PIN1: variants seen among roughly 807,000 people sequenced by gnomAD.
The protein encoded by PIN1 is peptidylprolyl cis/trans isomerase, NIMA-interacting 1.
Under a neutral mutation model 19.9 loss-of-function variants are expected in PIN1, and 8 were observed. That is an observed-to-expected ratio of 0.40 (90% CI 0.24 to 0.72). The LOEUF (loss-of-function observed/expected upper bound fraction) is 0.72. Ranked by LOEUF, PIN1 falls within the 30% of genes least tolerant of loss-of-function variation. The pLI, the probability that PIN1 is intolerant of heterozygous loss-of-function variation, is 0.37. For missense variants in PIN1, 185 were observed against 226.5 expected, an observed-to-expected ratio of 0.82 and a Z score of 1.18; for synonymous variants, 86 against 90.8, an observed-to-expected ratio of 0.95 and a Z score of 0.30.
chr19:9,838,204 G>A lies in PIN1; in HGVS notation c.59-232G>A. ...ATACTATCCTGTGTTTCATTTGCTT[G>A]TTTAGCACCTGTCTGCTCTCACCTA... On this transcript the variant is annotated intron_variant, in intron 1 of 3. Transcript: ENST00000247970. The surrounding 1 kb of genome is among the most constrained non-coding windows in gnomAD (Gnocchi z 5.8). The A allele has an allele frequency of 1.7e-6, 1 of 598,834 alleles. No individual in the cohort carries two copies. The highest frequency in any genetic ancestry group is 3.0e-6 in the Non-Finnish European group (1 of 332,876). 37.1% of individuals were successfully genotyped at this position (598,834 alleles called of 1,614,324 possible).
At chr19:9,844,906 A>G (rs1032101760) in intron 2 of PIN1, among the ~76,000 whole-genome samples, 7 of 152,312 alleles carry the variant, frequency 4.6e-5, no homozygotes, top group African/African-American at 1.7e-4. Context: ...TTTTGTGCAC[A>G]GTGCTGGGTT....
At position 9,849,132 on chromosome 19, in the gene PIN1, G is replaced by A. The variant is rs141688544; in HGVS notation, c.425G>A (p.Arg142Gln). 702 of 1,613,838 alleles carry A rather than the reference G, an allele frequency of 4.3e-4. No homozygotes were observed. Among genetic ancestry groups the A allele is most frequent in the Non-Finnish European group, 5.6e-4 (660 of 1,179,846 alleles). Residue 142 changes from arginine (R) to glutamine (Q), a missense_variant, in exon 4 of 4, where the codon CGG (arginine) becomes CAG (glutamine). By Grantham distance (43) the Arg-to-Gln change is conservative (BLOSUM62 1). Coordinates refer to ENST00000247970, the MANE Select transcript of PIN1 (RefSeq NM_006221.4). ...TTTGAAGACGCCTCGTTTGCGCTGC[G>A]GACGGGGGAGATGAGCGGGCCCGTG... is the stretch of plus-strand genomic sequence containing the variant. ...KPFEDASFAL[R>Q]TGEMSGPVFT... is the part of the protein sequence containing the mutation.
chr19:9,836,461 G>A lies in PIN1; in HGVS notation c.58+1059G>A, dbSNP rs558824466. 7.2e-5 allele frequency: 14 copies of A among 194,736 alleles called. No individual in the cohort carries two copies. The South Asian group carries it at 9.5e-4, about 13-fold the overall frequency. The allele number at this position is 194,736 out of a possible 1,614,324, so 12.1% of individuals were successfully genotyped here. ...TGGAACCCGCGCTCTCGCCCACCCTGCTCTAGCCCTGGCCTGTGGCTGGGA... is the reference window on the plus strand; with the variant it reads ...TGGAACCCGCGCTCTCGCCCACCCTACTCTAGCCCTGGCCTGTGGCTGGGA... On this transcript the variant is annotated intron_variant, in intron 1 of 3. Coordinates refer to ENST00000247970, the MANE Select transcript of PIN1 (RefSeq NM_006221.4).
At chr19:9,843,218 G>GCAT (rs1374591981) in intron 2 of PIN1, among the ~76,000 whole-genome samples, 22 of 152,234 alleles carry the variant, frequency 1.4e-4, no homozygotes, top group Non-Finnish European at 3.1e-4. Flanking sequence ...ACCCATCCCA[G>GCAT]CATCCAGGTC....
rs527950351 is a variant in PIN1, at chr19:9,846,694, A to C, written c.272-1336A>C. ...CCTCCCAGCACTGGCTAGGTCACCC[A>C]GCAGTGTTCCCGTGGGTCTCCAACA... is the stretch of plus-strand genomic sequence containing the variant. On this transcript the variant is annotated intron_variant, in intron 2 of 3. Coordinates refer to ENST00000247970, the MANE Select transcript of PIN1 (RefSeq NM_006221.4). The surrounding 1 kb of genome is among the most constrained non-coding windows in gnomAD (Gnocchi z 5.9). Among the ~76,000 whole-genome samples the C allele has an allele frequency of 4.6e-5, 7 of 152,290 alleles. No homozygotes were observed. Among genetic ancestry groups the C allele is most frequent in the African/African-American group, 1.7e-4 (7 of 41,570 alleles).
At chr19:9,843,344 C>A (rs1214856438) in intron 2 of PIN1, among the ~76,000 whole-genome samples, 2 of 152,280 alleles carry the variant, frequency 1.3e-5, no homozygotes, top group South Asian at 2.1e-4. Flanking sequence ...ACCCTGTCAC[C>A]TCTTTCCCCG....
At position 9,838,691 on chromosome 19, in the gene PIN1, C is replaced by CA; in HGVS notation, c.271+44dup. 6.9e-7 allele frequency: 1 copy of CA among 1,450,684 alleles called. No homozygotes were observed. Among genetic ancestry groups the CA allele is most frequent in the Non-Finnish European group, 9.3e-7 (1 of 1,071,142 alleles). 89.9% of individuals were successfully genotyped at this position (1,450,684 alleles called of 1,614,324 possible). A position where few individuals can be genotyped will look rare whatever the true frequency, so the allele number is the denominator to read the frequency against. On this transcript the variant is annotated intron_variant, in intron 2 of 3. Transcript: ENST00000247970. The surrounding 1 kb of genome is among the most constrained non-coding windows in gnomAD (Gnocchi z 5.8). ...AGGGGCTTGGGAGGGGGTCTTCTCCCAGGTGAGCCTTTGTAGAAGTCACAT... is the reference window on the plus strand; with the variant it reads ...AGGGGCTTGGGAGGGGGTCTTCTCCCAAGGTGAGCCTTTGTAGAAGTCACAT...
rs1292548881 is a variant in PIN1 at position 9,838,690 on chromosome 19, C to T, written c.271+42C>T. On this transcript the variant is annotated intron_variant, in intron 2 of 3. Transcript: ENST00000247970. This position sits in a 1 kb window ranked among gnomAD's most constrained non-coding sequence, Gnocchi z 5.8. Reference sequence around the variant, plus strand: ...CAGGGGCTTGGGAGGGGGTCTTCTCCCAGGTGAGCCTTTGTAGAAGTCACA... The same window carrying T: ...CAGGGGCTTGGGAGGGGGTCTTCTCTCAGGTGAGCCTTTGTAGAAGTCACA... The T allele has an allele frequency of 6.9e-7, 1 of 1,450,354 alleles. No individual in the cohort carries two copies. The allele number at this position is 1,450,354 out of a possible 1,614,324, so 89.8% of individuals were successfully genotyped here. A position where few individuals can be genotyped will look rare whatever the true frequency, so the allele number is the denominator to read the frequency against.
At chr19:9,836,934 A>G (rs977958627) in intron 1 of PIN1, 1 of 947,950 alleles carries the variant, frequency 1.1e-6, no homozygotes, top group South Asian at 1.3e-5. Context: ...CCCACTCTTA[A>G]TGTGTGCCAG....
At chr19:9,841,142 G>A (rs1395983506) in intron 2 of PIN1, among the ~76,000 whole-genome samples, 1 of 152,158 alleles carries the variant, frequency 6.6e-6, no homozygotes, top group Non-Finnish European at 1.5e-5. Flanking sequence ...GGTCCAGTTG[G>A]CCTGTAGGAT....
chr19:9,839,445 T>C (rs1479378379), intron 2 of PIN1, among the ~76,000 whole-genome samples: 1 of 147,426 alleles, frequency 6.8e-6, no homozygotes. Flanking sequence ...AGGTAGTGAG[T>C]GCCAGTAGAT....
Position 9,838,696 on chromosome 19 carries a change from G to A in PIN1, c.271+48G>A. 2 of 1,438,414 alleles carry A rather than the reference G, an allele frequency of 1.4e-6. No homozygotes were observed. Among genetic ancestry groups the A allele is most frequent in the Non-Finnish European group, 1.9e-6 (2 of 1,060,680 alleles). The allele number at this position is 1,438,414 out of a possible 1,614,324, so 89.1% of individuals were successfully genotyped here. ...CTTGGGAGGGGGTCTTCTCCCAGGT[G>A]AGCCTTTGTAGAAGTCACATCAGAC... On this transcript the variant is annotated intron_variant, in intron 2 of 3. Coordinates refer to ENST00000247970, the MANE Select transcript of PIN1 (RefSeq NM_006221.4). This position sits in a 1 kb window ranked among gnomAD's most constrained non-coding sequence, Gnocchi z 5.8.
At chr19:9,847,982 CCCCCCCA>C (rs1568362060) in intron 2 of PIN1, 41 bp from the exon 3 acceptor site, 1 of 1,214,902 alleles carries the variant, frequency 8.2e-7, no homozygotes, top group Non-Finnish European at 1.2e-6. Flanking sequence ...CTGGTCAGGC[CCCCCCCA>C]ACCCCTGACC....
At chr19:9,835,596 A>T in intron 1 of PIN1, 194 bp downstream of exon 1, 1 of 472,350 alleles carries the variant, frequency 2.1e-6, no homozygotes, top group Non-Finnish European at 3.6e-6. Context: ...GGGAAGCCTG[A>T]GGAAGCTGAG....
chr19:9,844,667 C>T (rs1432084335), intron 2 of PIN1, among the ~76,000 whole-genome samples: 1 of 152,100 alleles, frequency 6.6e-6, no homozygotes, highest in Non-Finnish European at 1.5e-5. Flanking sequence ...CCCGACAGTC[C>T]CCATCAAATT....
At position 9,848,011 on chromosome 19, in the gene PIN1, T is replaced by C; in HGVS notation, c.272-19T>C. 1 of 1,526,004 alleles carries C rather than the reference T, an allele frequency of 6.6e-7. No homozygotes were observed. Among genetic ancestry groups the C allele is most frequent in the African/African-American group, 1.4e-5 (1 of 73,182 alleles). The allele number at this position is 1,526,004 out of a possible 1,614,324, so 94.5% of individuals were successfully genotyped here. A position where few individuals can be genotyped will look rare whatever the true frequency, so the allele number is the denominator to read the frequency against. On this transcript the variant is annotated intron_variant, in intron 2 of 3. Transcript: ENST00000247970. Reference sequence around the variant, plus strand: ...CCCAACCCCTGACCTGGCACTCCCATTCCGTTCCATGTCCACAGGCTACAT... The same window carrying C: ...CCCAACCCCTGACCTGGCACTCCCACTCCGTTCCATGTCCACAGGCTACAT...
intron 2 of PIN1, 83 bp from the exon 3 acceptor site, chr19:9,847,947 C>A: frequency 1.2e-6 from 1 of 856,328 alleles, no homozygotes; most frequent in Non-Finnish European, 2.0e-6. Context: ...CCCCCGCTGG[C>A]CAGCTCTGGA....
Position 9,838,284 on chromosome 19 carries a change from GGA to G in PIN1, c.59-148_59-147del. On this transcript the variant is annotated intron_variant, in intron 1 of 3. Coordinates refer to ENST00000247970, the MANE Select transcript of PIN1 (RefSeq NM_006221.4). This position sits in a 1 kb window ranked among gnomAD's most constrained non-coding sequence, Gnocchi z 5.8. ...TATCCTGCCACATTGGCCCACGTCT[GGA>G]GAGCCTGTGGCACATGGTGGATACA... 1.4e-6 allele frequency: 1 copy of G among 711,700 alleles called. No individual in the cohort carries two copies. The highest frequency in any genetic ancestry group is 1.5e-5 in the South Asian group (1 of 65,998). The allele number at this position is 711,700 out of a possible 1,614,324, so 44.1% of individuals were successfully genotyped here.
At chr19:9,842,691 G>A (rs1346341738) in intron 2 of PIN1, among the ~76,000 whole-genome samples, 1 of 152,254 alleles carries the variant, frequency 6.6e-6, no homozygotes, top group Admixed American at 6.5e-5. Context: ...GAGGTCGATA[G>A]GAGGATGCAG....
Sources: gnomAD v4.1 joint callset for allele counts (sites outside exome capture counted in the v4.1 genomes callset) on GRCh38, gnomAD v4.1.1 for gene constraint, Gnocchi (gnomAD v3.1) non-coding constraint, MANE v1.5 for transcripts, NCBI Gene and HGNC (gene_info 2026-07-23, HGNC 2026-07-21) for gene names.